ZNF516: variants seen among roughly 807,000 people sequenced by gnomAD.
ZNF516 encodes the protein zinc finger protein 516.
A neutral mutation model predicts 79.7 loss-of-function variants in ZNF516; 19 were observed. The ratio of observed to expected loss-of-function variants is 0.24; its 90% CI spans 0.17 to 0.35. ZNF516 has a LOEUF of 0.35. Ranked by LOEUF, ZNF516 falls within the 10% of genes least tolerant of loss-of-function variation. The probability of loss-of-function intolerance (pLI) is 1.00; values close to 1 mark genes in which losing one functional copy is unlikely to be tolerated. For synonymous variants in ZNF516, 877 were observed against 739.5 expected (o/e 1.19, Z -3.02); for missense variants, 1,678 against 1,679.5 (o/e 1.00, Z 0.02).
chr18:76,454,866 C>T (rs974503940), intron 2 of ZNF516, among the ~76,000 whole-genome samples: 2 of 152,154 alleles, frequency 1.3e-5, no homozygotes, highest in African/African-American at 4.8e-5. Context: ...AAACTTTGCA[C>T]CTGAAGTGAT....
intron 3 of ZNF516, among the ~76,000 whole-genome samples, chr18:76,413,694 T>C (rs2075398806): frequency 6.6e-6 from 1 of 152,210 alleles, no homozygotes; most frequent in African/African-American, 2.4e-5. Flanking sequence ...TGCTAAGATA[T>C]ATGTTTTCTT....
intron 4 of ZNF516, among the ~76,000 whole-genome samples, chr18:76,373,822 A>G (rs1432654016): frequency 6.6e-6 from 1 of 152,278 alleles, no homozygotes; most frequent in Non-Finnish European, 1.5e-5. Context: ...AAGACAGGGC[A>G]CTTGCCCTTA....
chr18:76,465,784 G>T (rs1913427441), intron 1 of ZNF516, among the ~76,000 whole-genome samples: 1 of 152,174 alleles, frequency 6.6e-6, no homozygotes, highest in African/African-American at 2.4e-5. Context: ...GGAGCTTATG[G>T]GTTCCACAAA....
intron 2 of ZNF516, among the ~76,000 whole-genome samples, chr18:76,449,077 A>G (rs1022607395): frequency 2.0e-5 from 3 of 152,072 alleles, no homozygotes; most frequent in Non-Finnish European, 2.9e-5. Context: ...AGTGCCCAGT[A>G]ATAACCCCAC....
chr18:76,415,777 AG>A, intron 3 of ZNF516, among the ~76,000 whole-genome samples: 1 of 152,198 alleles, frequency 6.6e-6, no homozygotes, highest in Non-Finnish European at 1.5e-5. Context: ...TCCTCAACAG[AG>A]TTCAGGGTTT....
chr18:76,438,677 G>C (rs561335526), intron 3 of ZNF516, among the ~76,000 whole-genome samples: 1 of 151,970 alleles, frequency 6.6e-6, no homozygotes, highest in Admixed American at 6.5e-5. Context: ...GACGAAACAT[G>C]TTCCATAAAA....
intron 4 of ZNF516, among the ~76,000 whole-genome samples, chr18:76,377,715 A>ATTTTTTTTTTTTTTT (rs1213742643): frequency 2.2e-5 from 3 of 133,632 alleles, no homozygotes; most frequent in Non-Finnish European, 3.2e-5. Context: ...TTACAACGTT[A>ATTTTTTTTTTTTTTT]TTTTTTTTTT....
At chr18:76,410,477 G>A (rs866049559) in intron 3 of ZNF516, among the ~76,000 whole-genome samples, 16 of 152,242 alleles carry the variant, frequency 1.1e-4, no homozygotes, top group Middle Eastern at 3.4e-3. Context: ...GCCTTGCCTC[G>A]AACAGGTCCC....
rs1913698345 is a variant in ZNF516, at chr18:76,469,470, G to C, written c.-271-6329C>G. Among the ~76,000 whole-genome samples the C allele has an allele frequency of 2.6e-5, 4 of 152,010 alleles. No individual in the cohort carries two copies. The South Asian group carries it at 6.2e-4, about 24-fold the overall frequency. Reference sequence around the variant, plus strand: ...TCCTTTCTACATTGAAATAACCAAAGACCTAATAATAGTTTCCACTACTGC... The same window carrying C: ...TCCTTTCTACATTGAAATAACCAAACACCTAATAATAGTTTCCACTACTGC... On this transcript the variant is annotated intron_variant, in intron 1 of 6. Transcript: ENST00000443185.
chr18:76,433,455 G>A lies in ZNF516; in HGVS notation c.1810+7790C>T, dbSNP rs1242122694. ...GGGGACAGAGAGGGTCATCCTGCCT[G>A]AAAAGAATGTGTCCACGCAACAGGG... On this transcript the variant is annotated intron_variant, in intron 3 of 6. Transcript: ENST00000443185. 2.0e-5 allele frequency among the ~76,000 whole-genome samples: 3 copies of A among 152,222 alleles called. No individual in the cohort carries two copies. The East Asian group carries it at 5.8e-4, about 29-fold the overall frequency.
chr18:76,422,970 C>T (rs1404607774), intron 3 of ZNF516, among the ~76,000 whole-genome samples: 1 of 152,168 alleles, frequency 6.6e-6, no homozygotes, highest in Non-Finnish European at 1.5e-5. Flanking sequence ...CTCAATATCA[C>T]ACTGAGCTCC....
intron 2 of ZNF516, among the ~76,000 whole-genome samples, chr18:76,458,733 A>G (rs1912899604): frequency 8.5e-6 from 1 of 118,216 alleles, no homozygotes; most frequent in African/African-American, 3.4e-5. Flanking sequence ...GCATGCCTGT[A>G]GGCAATGCCA....
At chr18:76,464,950 T>C (rs1913368745) in intron 1 of ZNF516, among the ~76,000 whole-genome samples, 1 of 152,214 alleles carries the variant, frequency 6.6e-6, no homozygotes, top group Non-Finnish European at 1.5e-5. Flanking sequence ...ACTACTGGAA[T>C]GCGACCCCAG....
At position 76,473,612 on chromosome 18, in the gene ZNF516, T is replaced by C. The variant is rs899269966; in HGVS notation, c.-271-10471A>G. Among the ~76,000 whole-genome samples the C allele has an allele frequency of 3.9e-5, 6 of 152,050 alleles. No homozygotes were observed. The East Asian group carries it at 5.8e-4, about 15-fold the overall frequency. ...GTCAGGAGATGGAGACCATCCTAGC[T>C]AACACGGTGAAACCCTGTCTCTACT... On this transcript the variant is annotated intron_variant, in intron 1 of 6. Transcript: ENST00000443185.
At chr18:76,377,339 C>T (rs889453594) in intron 4 of ZNF516, among the ~76,000 whole-genome samples, 3 of 152,282 alleles carry the variant, frequency 2.0e-5, no homozygotes, top group Admixed American at 6.5e-5. Flanking sequence ...AAGTGCTCAG[C>T]GGGCTCTTCA....
chr18:76,365,113 T>G (rs1400574550), intron 6 of ZNF516, among the ~76,000 whole-genome samples: 2 of 152,256 alleles, frequency 1.3e-5, no homozygotes, highest in Non-Finnish European at 2.9e-5. Flanking sequence ...TGCATTATAA[T>G]AGCCACAGCT....
rs2074521368 is a variant in ZNF516 at position 76,360,649 on chromosome 18, ATATATATAT to A, written c.*1840_*1848del. ...AAAATAAGTAAAAAAAAAAAAAAAT[ATATATATAT>A]ATATATATATATATATATATAAGCT... On this transcript the variant is annotated 3_prime_UTR_variant, in exon 7 of 7. Coordinates refer to ENST00000443185, the MANE Select transcript of ZNF516 (RefSeq NM_014643.4). 4.2e-5 allele frequency: 4 copies of A among 94,436 alleles called. No homozygotes were observed. The highest frequency in any genetic ancestry group is 3.5e-4 in the South Asian group (1 of 2,838). 5.8% of individuals were successfully genotyped at this position (94,436 alleles called of 1,614,324 possible).
At chr18:76,468,717 G>A (rs1258464970) in intron 1 of ZNF516, among the ~76,000 whole-genome samples, 1 of 152,128 alleles carries the variant, frequency 6.6e-6, no homozygotes, top group Non-Finnish European at 1.5e-5. Flanking sequence ...AACGCGCCCG[G>A]CCGTGTTAGC....
chr18:76,430,810 G>C (rs1466117732), intron 3 of ZNF516, among the ~76,000 whole-genome samples: 4 of 152,162 alleles, frequency 2.6e-5, no homozygotes, highest in African/African-American at 9.7e-5. Context: ...ATCTATACAG[G>C]AACATATTTG....
Sources: gnomAD v4.1 joint callset for allele counts (sites outside exome capture counted in the v4.1 genomes callset) on GRCh38, gnomAD v4.1.1 for gene constraint, MANE v1.5 for transcripts, NCBI Gene and HGNC (gene_info 2026-07-23, HGNC 2026-07-21) for gene names.